Variants in ATP8A2 observed in about 807,000 individuals in gnomAD.
ATP8A2 encodes ATPase phospholipid transporting 8A2, also known as phospholipid-transporting ATPase IB.
In ATP8A2, 100 loss-of-function variants were observed where a neutral mutation model predicts 165.6. That is an observed-to-expected ratio of 0.60 (90% CI 0.51 to 0.71). ATP8A2 has a LOEUF of 0.71. Among genes scored for constraint, ATP8A2 ranks in the 30% least tolerant of loss-of-function variants. The pLI is 0.00. For missense variants in ATP8A2, 1,227 were observed against 1,479.5 expected (o/e 0.83, Z 2.80); for synonymous variants, 543 against 548.8 (o/e 0.99, Z 0.15).
chr13:25,444,711 T>C (rs1293823630), intron 1 of ATP8A2, among the ~76,000 whole-genome samples: 1 of 151,998 alleles, frequency 6.6e-6, no homozygotes, highest in Non-Finnish European at 1.5e-5. Flanking sequence ...AATGGTGTGA[T>C]CTCAGCTCAC....
At chr13:25,642,128 G>C (rs1355898739) in intron 24 of ATP8A2, among the ~76,000 whole-genome samples, 1 of 152,090 alleles carries the variant, frequency 6.6e-6, no homozygotes, top group Non-Finnish European at 1.5e-5. Context: ...TTAAATGTTA[G>C]ACCTAAAACC....
intron 2 of ATP8A2, among the ~76,000 whole-genome samples, chr13:25,492,927 T>G (rs577135800): frequency 6.6e-6 from 1 of 152,358 alleles, no homozygotes; most frequent in South Asian, 2.1e-4. Context: ...CTTTAGTGCC[T>G]GCACGAGGAG....
intron 33 of ATP8A2, among the ~76,000 whole-genome samples, chr13:25,912,047 C>T (rs943963400): frequency 6.6e-6 from 1 of 152,062 alleles, no homozygotes; most frequent in Admixed American, 6.5e-5. Context: ...ATCAGTATGT[C>T]AAAAAGATGT....
chr13:25,889,551 G>A (rs1453032165), intron 33 of ATP8A2, among the ~76,000 whole-genome samples: 2 of 151,682 alleles, frequency 1.3e-5, no homozygotes, highest in Non-Finnish European at 2.9e-5. Flanking sequence ...GCTTGGTATA[G>A]GTTTTCAGGC....
At chr13:25,776,192 G>A (rs757462531) in intron 27 of ATP8A2, among the ~76,000 whole-genome samples, 41 of 152,216 alleles carry the variant, frequency 2.7e-4, no homozygotes, top group Admixed American at 7.9e-4. Flanking sequence ...TCGCCAAGAC[G>A]TGTGCACTTG....
At chr13:25,967,292 T>C (rs997492254) in intron 34 of ATP8A2, among the ~76,000 whole-genome samples, 1 of 152,216 alleles carries the variant, frequency 6.6e-6, no homozygotes, top group African/African-American at 2.4e-5. Context: ...TAAGGTATTA[T>C]GTGTTAAAGC....
chr13:25,804,650 T>C lies in ATP8A2; in HGVS notation c.2680-23468T>C, dbSNP rs140796243. 4.6e-3 allele frequency among the ~76,000 whole-genome samples: 704 copies of C among 152,272 alleles called. 5 individuals are homozygous for C. The highest frequency in any genetic ancestry group is 0.016 in the African/African-American group (668 of 41,562). ...AGATGAGCTTTTCCTCTTTTTCTGT[T>C]AAGACAGAGCTTCCTTTGGGCTGGC... On this transcript the variant is annotated intron_variant, in intron 27 of 36. Coordinates refer to ENST00000381655, the MANE Select transcript of ATP8A2 (RefSeq NM_016529.6).
At chr13:25,600,636 C>T (rs1016964646) in intron 24 of ATP8A2, among the ~76,000 whole-genome samples, 4 of 152,170 alleles carry the variant, frequency 2.6e-5, no homozygotes, top group East Asian at 1.9e-4. Flanking sequence ...CCACTGCCAA[C>T]GTCCTGGCAT....
intron 24 of ATP8A2, among the ~76,000 whole-genome samples, chr13:25,597,288 G>A (rs1274769698): frequency 2.0e-5 from 3 of 152,076 alleles, no homozygotes; most frequent in African/African-American, 7.2e-5. Flanking sequence ...GCCTCCTGGT[G>A]TCTACACCTT....
chr13:25,831,240 A>G lies in ATP8A2; in HGVS notation c.2754+3048A>G, dbSNP rs1419552583. Among the ~76,000 whole-genome samples, 8 of 122,962 alleles carry G rather than the reference A, an allele frequency of 6.5e-5. No homozygotes were observed. The South Asian group carries it at 2.2e-3, about 34-fold the overall frequency. 80.7% of individuals were successfully genotyped at this position (122,962 alleles called of 152,430 possible). A position where few individuals can be genotyped will look rare whatever the true frequency, so the allele number is the denominator to read the frequency against. Reference sequence around the variant, plus strand: ...TCTTTTTTTTTTTTTTTTGAGATGGAGTCTAGCTCTGTTGCCCGGGCTGGA... The same window carrying G: ...TCTTTTTTTTTTTTTTTTGAGATGGGGTCTAGCTCTGTTGCCCGGGCTGGA... On this transcript the variant is annotated intron_variant, in intron 28 of 36. Transcript: ENST00000381655.
chr13:25,431,627 A>G (rs903741399), intron 1 of ATP8A2, among the ~76,000 whole-genome samples: 2 of 152,282 alleles, frequency 1.3e-5, no homozygotes, highest in East Asian at 3.9e-4. Context: ...AAGCAACCTT[A>G]TTTTTTAATG....
chr13:25,681,549 G>A (rs2042488674), intron 24 of ATP8A2, among the ~76,000 whole-genome samples: 1 of 152,186 alleles, frequency 6.6e-6, no homozygotes, highest in Admixed American at 6.5e-5. Flanking sequence ...GAAACGTGCA[G>A]GCAGGGAGCT....
chr13:25,516,152 T>G (rs746646790), intron 2 of ATP8A2, among the ~76,000 whole-genome samples: 4 of 152,208 alleles, frequency 2.6e-5, no homozygotes, highest in Non-Finnish European at 4.4e-5. Flanking sequence ...CAGCTCCCGA[T>G]GTTCTCCCAG....
intron 30 of ATP8A2, among the ~76,000 whole-genome samples, chr13:25,853,700 C>A (rs1394947375): frequency 6.6e-6 from 1 of 152,110 alleles, no homozygotes; most frequent in African/African-American, 2.4e-5. Flanking sequence ...GGACTTCAAG[C>A]ACATAGATCA....
At chr13:25,671,185 T>C (rs1213158766) in intron 24 of ATP8A2, among the ~76,000 whole-genome samples, 1 of 152,234 alleles carries the variant, frequency 6.6e-6, no homozygotes, top group East Asian at 1.9e-4. Flanking sequence ...TGGACACTTA[T>C]CACTTCCCTA....
rs1221376069 is a variant in ATP8A2, at chr13:25,828,189, T to C, written c.2751T>C (p.Asn917=). The change falls in exon 28 of 37, where the codon AAT becomes AAC. Residue 917 remains asparagine, a synonymous_variant. Transcript: ENST00000381655. The part of the protein sequence containing the change: ...LFERWCIGLY[N]VIFTALPPFT... ...AACGTTGGTGCATCGGCCTGTACAA[T>C]GTGGTAAGCATTCTTCATCTCTATC... 6.2e-7 allele frequency: 1 copy of C among 1,613,096 alleles called. No homozygotes were observed. The highest frequency in any genetic ancestry group is 1.1e-5 in the South Asian group (1 of 91,066).
intron 27 of ATP8A2, among the ~76,000 whole-genome samples, chr13:25,806,556 A>C (rs1334436561): frequency 6.6e-6 from 1 of 152,056 alleles, no homozygotes; most frequent in Non-Finnish European, 1.5e-5. Flanking sequence ...AAAAGGGACA[A>C]AAATAACATA....
intron 33 of ATP8A2, among the ~76,000 whole-genome samples, chr13:25,881,628 T>G (rs919686631): frequency 2.0e-5 from 3 of 150,342 alleles, no homozygotes; most frequent in Non-Finnish European, 4.4e-5. Context: ...AGAGAGAGAA[T>G]AGATGCTCTT....
At chr13:25,390,783 AGCTGGGTGT>A (rs1369147617) in intron 1 of ATP8A2, among the ~76,000 whole-genome samples, 26 of 152,082 alleles carry the variant, frequency 1.7e-4, no homozygotes, top group African/African-American at 6.3e-4. Context: ...TACAAAACTT[AGCTGGGTGT>A]GGTGGTACAC....
Sources: gnomAD v4.1 joint callset for allele counts (sites outside exome capture counted in the v4.1 genomes callset) on GRCh38, gnomAD v4.1.1 for gene constraint, MANE v1.5 for transcripts, NCBI Gene and HGNC (gene_info 2026-07-23, HGNC 2026-07-21) for gene names.